Variants in DOP1B observed in about 807,000 individuals in gnomAD.
DOP1B encodes the protein DOP1 leucine zipper like protein B.
DOP1B carries 174 observed loss-of-function variants against 233.5 expected under a neutral mutation model. The ratio of observed to expected loss-of-function variants is 0.75; its 90% CI spans 0.66 to 0.85. The LOEUF (loss-of-function observed/expected upper bound fraction) is 0.85, where lower values mean the gene tolerates loss of function less well. DOP1B is among the 40% of genes least tolerant of loss of function. The pLI, the probability that DOP1B is intolerant of heterozygous loss-of-function variation, is 0.00. For missense variants in DOP1B, 2,652 were observed against 2,846.6 expected, an observed-to-expected ratio of 0.93 and a Z score of 1.56; for synonymous variants, 1,190 against 1,185.6, an observed-to-expected ratio of 1.00 and a Z score of -0.08.
At chr21:36,186,822 G>A (rs2066170391) in intron 2 of DOP1B, among the ~76,000 whole-genome samples, 2 of 152,072 alleles carry the variant, frequency 1.3e-5, no homozygotes, top group Admixed American at 1.3e-4. Context: ...AGAAATAATG[G>A]GTGAGAAAGC....
intron 14 of DOP1B, 52 bp downstream of exon 14, chr21:36,231,186 A>T: frequency 2.6e-6 from 4 of 1,528,808 alleles, no homozygotes; most frequent in Non-Finnish European, 3.5e-6. Context: ...CGATGAGGCG[A>T]TTGACGTGGG....
chr21:36,276,362 C>T lies in DOP1B; in HGVS notation c.5633-659C>T, dbSNP rs1390854691. On this transcript the variant is annotated intron_variant, in intron 27 of 36. Transcript: ENST00000691173. ...CCTGGGCAACATAGCAAGACTTTGT[C>T]TCTATAAATAATTTTAAAATTACCT... Among the ~76,000 whole-genome samples, 14 of 152,032 alleles carry T rather than the reference C, an allele frequency of 9.2e-5. No individual in the cohort carries two copies. In the East Asian group the frequency reaches 2.7e-3, roughly 29 times the overall value.
intron 15 of DOP1B, among the ~76,000 whole-genome samples, chr21:36,236,253 C>T (rs2123562446): frequency 6.6e-6 from 1 of 152,326 alleles, no homozygotes; most frequent in South Asian, 2.1e-4. Context: ...GGCTGTAGCC[C>T]TTTGCAGACC....
intron 2 of DOP1B, chr21:36,169,109 C>G: frequency 1.2e-6 from 1 of 868,534 alleles, no homozygotes; most frequent in Non-Finnish European, 1.9e-6. Context: ...CTCCAGAGCC[C>G]ATCGTCTGGT....
Position 36,280,308 on chromosome 21 carries a change from T to A in DOP1B, c.5993T>A (p.Leu1998His), listed in dbSNP as rs150953964. 2.3e-4 allele frequency: 373 copies of A among 1,609,818 alleles called. No individual in the cohort carries two copies. Among genetic ancestry groups the A allele is most frequent in the Non-Finnish European group, 2.3e-4 (269 of 1,177,788 alleles). ...AGTTGGAAGTCCATTATTGACCATC[T>A]TTTGACTCATGAGAAAACAATGTTT... ...CVHWKSIIDHLLTHEKTMFKD... is the reference protein window; with the variant it reads ...CVHWKSIIDHHLTHEKTMFKD... Residue 1998 changes from leucine to histidine, a missense_variant, in exon 31 of 37, where the codon CTT (leucine) becomes CAT (histidine). By Grantham distance (99) the Leu-to-His change is moderately conservative (BLOSUM62 -3). This residue lies in a region of DOP1B where 2,617 missense variants were observed against 2,794.3 expected (regional missense o/e 0.94). Coordinates refer to ENST00000691173, the MANE Select transcript of DOP1B (RefSeq NM_001320714.2).
chr21:36,210,918 C>G (rs1004764094), intron 5 of DOP1B, among the ~76,000 whole-genome samples: 7 of 152,228 alleles, frequency 4.6e-5, no homozygotes, highest in African/African-American at 1.7e-4. Context: ...CCTCACTCTT[C>G]CCTGCAGGCC....
chr21:36,225,808 A>G (rs2066676069), intron 12 of DOP1B, 141 bp downstream of exon 12: 1 of 883,748 alleles, frequency 1.1e-6, no homozygotes, highest in Non-Finnish European at 1.7e-6. Context: ...GTTTTGGCAT[A>G]AAAGATATAG....
Position 36,212,097 on chromosome 21 carries a change from G to A in DOP1B, c.904G>A (p.Gly302Ser). 1 of 1,604,924 alleles carries A rather than the reference G, an allele frequency of 6.2e-7. No individual in the cohort carries two copies. The highest frequency in any genetic ancestry group is 8.5e-7 in the Non-Finnish European group (1 of 1,176,454). Residue 302 changes from glycine (G) to serine (S), a missense_variant and splice_region_variant, in exon 7 of 37, where the codon GGC becomes AGC. Gly to Ser is a moderately conservative substitution (Grantham distance 56, BLOSUM62 0). Transcript: ENST00000691173. Reference protein sequence around the residue: ...LNRRLYAWLLGSDIKGNTVVP... With the variant: ...LNRRLYAWLLSSDIKGNTVVP... ...CAGAAGACTGTATGCATGGTTACTA[G>A]GTACTGAGCAGTATACACCCTTTTA...
chr21:36,207,708 C>T (rs761009628), intron 4 of DOP1B, among the ~76,000 whole-genome samples: 8 of 152,080 alleles, frequency 5.3e-5, no homozygotes, highest in Non-Finnish European at 7.4e-5. Flanking sequence ...CACATTCCAC[C>T]GGGTTGGTTT....
chr21:36,211,542 A>T lies in DOP1B; in HGVS notation c.682-11A>T. On this transcript the variant is annotated splice_polypyrimidine_tract_variant and intron_variant, in intron 5 of 36. Transcript: ENST00000691173. The stretch of plus-strand genomic sequence containing the variant: ...AGCCTGAAAATGCTAGTGCCGTTTG[A>T]TCGTTTACAGGTGAAGTCTTTGCGT... The T allele has an allele frequency of 6.2e-7, 1 of 1,613,270 alleles. No individual in the cohort carries two copies. The highest frequency in any genetic ancestry group is 1.1e-5 in the South Asian group (1 of 91,016).
intron 2 of DOP1B, among the ~76,000 whole-genome samples, chr21:36,194,945 C>T (rs1406201168): frequency 2.6e-5 from 4 of 152,140 alleles, no homozygotes; most frequent in Non-Finnish European, 5.9e-5. Context: ...GTGGCTGACA[C>T]CTGTAATCCC....
chr21:36,219,600 G>C, intron 10 of DOP1B, 108 bp downstream of exon 10: 1 of 1,467,062 alleles, frequency 6.8e-7, no homozygotes. Flanking sequence ...AGAAAGCAGA[G>C]ATGCAGCAGG....
At chr21:36,170,668 G>A (rs1338553438) in intron 2 of DOP1B, 1 of 151,328 alleles carries the variant, frequency 6.6e-6, no homozygotes, top group Non-Finnish European at 1.5e-5. Context: ...GGTAGTGCTT[G>A]CTTGTCCTCC....
chr21:36,254,734 G>A lies in DOP1B; in HGVS notation c.5259+825G>A, dbSNP rs201047410. 2.0e-3 allele frequency among the ~76,000 whole-genome samples: 7 copies of A among 3,474 alleles called. No individual in the cohort carries two copies. The South Asian group carries it at 0.076, about 38-fold the overall frequency. The allele number at this position is 3,474 out of a possible 152,430, so 2.3% of individuals were successfully genotyped here. A position where few individuals can be genotyped will look rare whatever the true frequency, so the allele number is the denominator to read the frequency against. ...CTAAGAAAGGGAGGTCAGGGGTCTC[G>A]CAGGAACAAACAGTAAATTATTTGG... On this transcript the variant is annotated intron_variant, in intron 23 of 36. Coordinates refer to ENST00000691173, the MANE Select transcript of DOP1B (RefSeq NM_001320714.2).
rs1177181397 is a variant in DOP1B at position 36,245,544 on chromosome 21, T to C, written c.3564T>C (p.Ala1188=). 1 of 1,613,528 alleles carries C rather than the reference T, an allele frequency of 6.2e-7. No individual in the cohort carries two copies. Among genetic ancestry groups the C allele is most frequent in the East Asian group, 2.2e-5 (1 of 44,882 alleles). ...LVRVDSDKTQ[A]SESFSSDEEA... ...GGGTGGACTCGGACAAGACGCAGGCTTCTGAGTCGTTCTCCAGCGACGAGG... is the reference window on the plus strand; with the variant it reads ...GGGTGGACTCGGACAAGACGCAGGCCTCTGAGTCGTTCTCCAGCGACGAGG... The change falls in exon 19 of 37, where the codon GCT becomes GCC. Residue 1188 remains alanine (A), a synonymous_variant. Coordinates refer to ENST00000691173, the MANE Select transcript of DOP1B (RefSeq NM_001320714.2). This position sits in a 1 kb window ranked among gnomAD's most constrained non-coding sequence, Gnocchi z 5.5.
At chr21:36,284,359 C>T (rs1196653256) in intron 32 of DOP1B, among the ~76,000 whole-genome samples, 1 of 149,448 alleles carries the variant, frequency 6.7e-6, no homozygotes, top group Non-Finnish European at 1.5e-5. Flanking sequence ...CAATCTCTGC[C>T]TCCCGGGTTC....
Position 36,168,699 on chromosome 21 carries a change from T to A in DOP1B, c.138+3828T>A, listed in dbSNP as rs527454893. On this transcript the variant is annotated intron_variant, in intron 2 of 36. Transcript: ENST00000691173. ...TAGCGACCATGCCTGGCTAATTTTT[T>A]ATTTTTACTTTTTAATACAGATGGG... 1.2e-3 allele frequency among the ~76,000 whole-genome samples: 182 copies of A among 151,970 alleles called. 1 individual carries two copies. Among genetic ancestry groups the A allele is most frequent in the Admixed American group, 1.6e-3 (24 of 15,250 alleles).
At chr21:36,239,716 C>T (rs182080845) in intron 17 of DOP1B, 49 bp from the exon 18 acceptor site, 38 of 1,481,042 alleles carry the variant, frequency 2.6e-5, no homozygotes, top group East Asian at 1.3e-4. Flanking sequence ...CGGTGCCTGG[C>T]GCACAGGGGT....
chr21:36,287,254 T>C (rs1041283499), intron 32 of DOP1B, among the ~76,000 whole-genome samples: 7 of 152,186 alleles, frequency 4.6e-5, no homozygotes, highest in African/African-American at 1.7e-4. Flanking sequence ...AAATCTGTTA[T>C]ATTTACTTGC....
Sources: gnomAD v4.1 joint callset for allele counts (sites outside exome capture counted in the v4.1 genomes callset) on GRCh38, gnomAD v4.1.1 for gene constraint, gnomAD v4.1.1 regional missense constraint, Gnocchi (gnomAD v3.1) non-coding constraint, MANE v1.5 for transcripts, NCBI Gene and HGNC (gene_info 2026-07-23, HGNC 2026-07-21) for gene names.